The following ADPRHL1 variants were observed in gnomAD, a reference collection of about 807,000 sequenced individuals.
ADPRHL1 encodes the protein inactive ADP-ribosyltransferase ARH2.
Under a neutral mutation model 44.1 loss-of-function variants are expected in ADPRHL1, and 43 were observed. The observed-to-expected ratio is 0.98, with a 90% CI of 0.76 to 1.26. The LOEUF (loss-of-function observed/expected upper bound fraction) is 1.26, where lower values mean the gene tolerates loss of function less well. Among genes scored for constraint, ADPRHL1 ranks in the 50% most tolerant of loss-of-function variants. The pLI is 0.00. For synonymous variants in ADPRHL1, 878 were observed against 1,017.4 expected (o/e 0.86, Z 2.61); for missense variants, 2,022 against 2,496.9 (o/e 0.81, Z 4.05).
Position 113,401,830 on chromosome 13 carries a change from A to G in ADPRHL1, c.*1548T>C, listed in dbSNP as rs936649195. The G allele has an allele frequency of 2.0e-5, 3 of 152,262 alleles. No homozygotes were observed. Among genetic ancestry groups the G allele is most frequent in the Non-Finnish European group, 4.4e-5 (3 of 68,062 alleles). 9.4% of individuals were successfully genotyped at this position (152,262 alleles called of 1,614,324 possible). On this transcript the variant is annotated 3_prime_UTR_variant, in exon 8 of 8. Coordinates refer to ENST00000612156, the MANE Select transcript of ADPRHL1 (RefSeq NM_001394807.1). The surrounding 1 kb of genome is among the most constrained non-coding windows in gnomAD (Gnocchi z 5.5). The stretch of plus-strand genomic sequence containing the variant: ...CCACGCCGCCTCCTTGGCGCTGCAG[A>G]GCCAAAGCCACTGGCGTCTGCCGGG...
At chr13:113,429,172 G>A in intron 3 of ADPRHL1, 80 bp from the exon 4 acceptor site, 1 of 1,529,520 alleles carries the variant, frequency 6.5e-7, no homozygotes, top group Admixed American at 2.0e-5. Flanking sequence ...ACGCTGCGTG[G>A]GACTCCCGAG....
intron 3 of ADPRHL1, among the ~76,000 whole-genome samples, chr13:113,429,420 G>C (rs1409898849): frequency 1.3e-5 from 2 of 152,202 alleles, no homozygotes; most frequent in African/African-American, 4.8e-5. Context: ...GACCGCACGC[G>C]ATTTGTCCCT....
rs778243177 is a variant in ADPRHL1, at chr13:113,424,238, GAC to G, written c.884_885del (p.Cys295SerfsTer68). 4.3e-6 allele frequency: 7 copies of G among 1,612,748 alleles called. No individual in the cohort carries two copies. The South Asian group carries it at 7.7e-5, about 18-fold the overall frequency. ...LAAGNSWTEL[C>X]HRAMFHGGES... ...TCACCTCCATGAAACATGGCCCGGT[GAC>G]ACAGCTCAGTCCAGCTGTTTCCTGC... On this transcript the variant is annotated frameshift_variant, in exon 6 of 8. Transcript: ENST00000612156. LOFTEE classifies it high-confidence loss of function.
At position 113,416,257 on chromosome 13, in the gene ADPRHL1, C is replaced by T. The variant is rs551751860; in HGVS notation, c.1061+6569G>A. On this transcript the variant is annotated intron_variant, in intron 7 of 7. Transcript: ENST00000612156. ...CCTGGAAATAAATCTGGCTAATGGT[C>T]GATGTGGACTTTTGGGCTAGGATAC... 2.6e-5 allele frequency among the ~76,000 whole-genome samples: 4 copies of T among 152,012 alleles called. No homozygotes were observed. The East Asian group carries it at 7.7e-4, about 29-fold the overall frequency.
rs199718907 is a variant in ADPRHL1 at position 113,444,593 on chromosome 13, C to T, written c.215-4G>A. 124 of 1,612,076 alleles carry T rather than the reference C, an allele frequency of 7.7e-5. 1 individual carries two copies. Among genetic ancestry groups the T allele is most frequent in the Middle Eastern group, 1.7e-4 (1 of 5,968 alleles). On this transcript the variant is annotated splice_region_variant and splice_polypyrimidine_tract_variant and intron_variant, in intron 1 of 7. Transcript: ENST00000612156. ...AGATCATCCAGGCACCAGTAGTCTG[C>T]GGAAGAAAGGGAGGGCAGACATCAG...
At position 113,408,147 on chromosome 13, in the gene ADPRHL1, G is replaced by A. The variant is rs756414102; in HGVS notation, c.1135C>T (p.Leu379=). The change falls in exon 8 of 8, where the codon CTG becomes TTG. Residue 379 remains leucine, a synonymous_variant. Coordinates refer to ENST00000612156, the MANE Select transcript of ADPRHL1 (RefSeq NM_001394807.1). ...GAGTGGGCGGCCGGGTCACAGGCCA[G>A]CTTGCCCATCTTCTTCTTCAGGGTT... ...AQTLKKKMGK[L]ACDPAAHSIL... 1.6e-6 allele frequency: 2 copies of A among 1,232,060 alleles called. No individual in the cohort carries two copies. The highest frequency in any genetic ancestry group is 2.0e-6 in the Non-Finnish European group (2 of 987,992). 76.3% of individuals were successfully genotyped at this position (1,232,060 alleles called of 1,614,324 possible).
At chr13:113,411,530 G>A (rs2043852116) in intron 7 of ADPRHL1, among the ~76,000 whole-genome samples, 2 of 152,256 alleles carry the variant, frequency 1.3e-5, no homozygotes, top group Non-Finnish European at 2.9e-5. Flanking sequence ...AACCAGCGGT[G>A]AGCGTGGAGG....
At chr13:113,411,928 C>T (rs952023059) in intron 7 of ADPRHL1, among the ~76,000 whole-genome samples, 3 of 152,150 alleles carry the variant, frequency 2.0e-5, no homozygotes, top group Admixed American at 6.5e-5. Flanking sequence ...TGCCCCTTCT[C>T]GTCACAAAGT....
intron 7 of ADPRHL1, among the ~76,000 whole-genome samples, chr13:113,421,034 C>T (rs1403955011): frequency 2.3e-5 from 3 of 131,678 alleles, no homozygotes; most frequent in Non-Finnish European, 4.9e-5. Flanking sequence ...CCCTACCCCC[C>T]GCCAACATGC....
At chr13:113,432,335 G>A (rs564698867) in intron 3 of ADPRHL1, among the ~76,000 whole-genome samples, 12 of 152,028 alleles carry the variant, frequency 7.9e-5, no homozygotes, top group Non-Finnish European at 1.8e-4. Flanking sequence ...GGCTGGTCTC[G>A]TACTCCTGGG....
At position 113,403,426 on chromosome 13, in the gene ADPRHL1, G is replaced by A; in HGVS notation, c.5856C>T (p.Phe1952=). ...FRDQRAFDLS[F]RPMSVRASDT... The stretch of plus-strand genomic sequence containing the variant: ...CGCTGGCCCTGACGCTCATTGGTCT[G>A]AAGGACAAATCGAAGGCCCTCTGGT... The change falls in exon 8 of 8, where the codon TTC becomes TTT. Residue 1952 remains phenylalanine, a synonymous_variant. Transcript: ENST00000612156. 1 of 1,232,152 alleles carries A rather than the reference G, an allele frequency of 8.1e-7. No individual in the cohort carries two copies. Among genetic ancestry groups the A allele is most frequent in the Non-Finnish European group, 1.0e-6 (1 of 988,010 alleles). The allele number at this position is 1,232,152 out of a possible 1,614,324, so 76.3% of individuals were successfully genotyped here.
At chr13:113,411,950 C>T (rs553862187) in intron 7 of ADPRHL1, among the ~76,000 whole-genome samples, 2 of 152,356 alleles carry the variant, frequency 1.3e-5, no homozygotes, top group South Asian at 2.1e-4. Context: ...CTGCGCCCAC[C>T]GCCCACTATT....
At chr13:113,410,020 G>C (rs1178567097) in intron 7 of ADPRHL1, 15 of 985,282 alleles carry the variant, frequency 1.5e-5, no homozygotes, top group Non-Finnish European at 1.8e-5. Context: ...TGAAGCCATG[G>C]ATGGATTTCC....
intron 2 of ADPRHL1, among the ~76,000 whole-genome samples, chr13:113,438,804 G>A (rs1566479700): frequency 6.6e-6 from 1 of 152,142 alleles, no homozygotes; most frequent in Non-Finnish European, 1.5e-5. Context: ...GATTATAGGT[G>A]TGAGCCACCA....
rs975717109 is a variant in ADPRHL1, at chr13:113,406,511, G to C, written c.2771C>G (p.Pro924Arg). Reference protein sequence around the residue: ...ASSPQGPRAAPRLAAARGAVG... With the variant: ...ASSPQGPRAARRLAAARGAVG... ...AGCCCCTCTTGCTGCTGCCAGACGCGGAGCTGCCCGTGGCCCCTGCGGCGA... is the reference window on the plus strand; with the variant it reads ...AGCCCCTCTTGCTGCTGCCAGACGCCGAGCTGCCCGTGGCCCCTGCGGCGA... Residue 924 changes from proline (P) to arginine (R), a missense_variant, in exon 8 of 8, where the codon CCG (proline) becomes CGG (arginine). Coordinates refer to ENST00000612156, the MANE Select transcript of ADPRHL1 (RefSeq NM_001394807.1). 1 of 1,232,008 alleles carries C rather than the reference G, an allele frequency of 8.1e-7. No individual in the cohort carries two copies. The highest frequency in any genetic ancestry group is 1.0e-6 in the Non-Finnish European group (1 of 988,020). 76.3% of individuals were successfully genotyped at this position (1,232,008 alleles called of 1,614,324 possible). A position where few individuals can be genotyped will look rare whatever the true frequency, so the allele number is the denominator to read the frequency against.
chr13:113,443,532 T>C (rs1025247368), intron 2 of ADPRHL1, among the ~76,000 whole-genome samples: 1 of 151,696 alleles, frequency 6.6e-6, no homozygotes. Context: ...GGTGGGAGGA[T>C]TGCTTGAGTC....
At chr13:113,413,968 C>A (rs541604042) in intron 7 of ADPRHL1, among the ~76,000 whole-genome samples, 1 of 152,354 alleles carries the variant, frequency 6.6e-6, no homozygotes, top group East Asian at 1.9e-4. Context: ...CACACCCGGG[C>A]CCACCATGAT....
chr13:113,412,729 C>T lies in ADPRHL1; in HGVS notation c.1062-4509G>A, dbSNP rs547320876. ...TGCCCCGGAGGCTCAGTTCACCCAC[C>T]GCCAACAGTGCCCCGCGGAGCTCGG... On this transcript the variant is annotated intron_variant, in intron 7 of 7. Transcript: ENST00000612156. Among the ~76,000 whole-genome samples, 5 of 151,160 alleles carry T rather than the reference C, an allele frequency of 3.3e-5. No individual in the cohort carries two copies. The South Asian group carries it at 8.4e-4, about 25-fold the overall frequency.
intron 4 of ADPRHL1, 57 bp downstream of exon 4, chr13:113,428,895 G>A (rs1478664391): frequency 1.9e-6 from 3 of 1,604,328 alleles, no homozygotes; most frequent in Non-Finnish European, 2.5e-6. Flanking sequence ...CCCATGGAGG[G>A]GCTGGATCTG....
Sources: allele counts gnomAD v4.1 joint callset (sites outside exome capture counted in the v4.1 genomes callset), GRCh38; gene constraint gnomAD v4.1.1; non-coding constraint Gnocchi (gnomAD v3.1); transcripts MANE v1.5; gene names NCBI Gene and HGNC (gene_info 2026-07-23, HGNC 2026-07-21).